The following CFH variants were observed in gnomAD, a reference collection of about 807,000 sequenced individuals.
The protein encoded by CFH is H factor 1 (complement).
CFH carries 53 observed loss-of-function variants against 147.3 expected under a neutral mutation model. That is an observed-to-expected ratio of 0.36 (90% CI 0.29 to 0.45). The LOEUF (loss-of-function observed/expected upper bound fraction) is 0.45. Ranked by LOEUF, CFH falls within the 20% of genes least tolerant of loss-of-function variation. CFH has a pLI of 1.00. For synonymous variants in CFH, 536 were observed against 489.4 expected, an observed-to-expected ratio of 1.10 and a Z score of -1.26; for missense variants, 1,380 against 1,498.0, an observed-to-expected ratio of 0.92 and a Z score of 1.30.
chr1:196,741,027 C>A, intron 18 of CFH: 1 of 518,614 alleles, frequency 1.9e-6, no homozygotes, highest in Admixed American at 3.1e-5. Flanking sequence ...TGTATATTCT[C>A]AGACTTCTCA....
intron 4 of CFH, chr1:196,677,203 A>G (rs528938670): frequency 6.3e-6 from 2 of 319,662 alleles, no homozygotes; most frequent in Non-Finnish European, 1.2e-5. Flanking sequence ...TTAATTATTT[A>G]AAAATACTAG....
At chr1:196,662,234 G>A (rs1436113922) in intron 1 of CFH, among the ~76,000 whole-genome samples, 1 of 152,200 alleles carries the variant, frequency 6.6e-6, no homozygotes, top group African/African-American at 2.4e-5. Flanking sequence ...TAAGCAAGAT[G>A]ACTTATTAAG....
At chr1:196,711,033 T>A (rs1427344133) in intron 9 of CFH, among the ~76,000 whole-genome samples, 1 of 152,096 alleles carries the variant, frequency 6.6e-6, no homozygotes, top group African/African-American at 2.4e-5. Context: ...AAAACCATAA[T>A]GATGTCATTT....
intron 7 of CFH, among the ~76,000 whole-genome samples, chr1:196,688,268 C>T (rs1667895962): frequency 6.6e-6 from 1 of 151,842 alleles, no homozygotes; most frequent in Non-Finnish European, 1.5e-5. Context: ...CAAGATAGCA[C>T]TCAAATGTAT....
chr1:196,690,966 C>T (rs1668003032), intron 9 of CFH, among the ~76,000 whole-genome samples: 2 of 152,096 alleles, frequency 1.3e-5, no homozygotes, highest in South Asian at 4.1e-4. Context: ...TTCCTATTGG[C>T]ACAACTGCTG....
At chr1:196,692,877 ACCTCCCTC>A (rs1173785757) in intron 9 of CFH, among the ~76,000 whole-genome samples, 2 of 7,176 alleles carry the variant, frequency 2.8e-4, no homozygotes, top group African/African-American at 8.7e-4. Context: ...TCCCTCTGTC[ACCTCCCTC>A]CCTCCCTCCC....
At chr1:196,700,786 A>G (rs1176214948) in intron 9 of CFH, 1 of 982,452 alleles carries the variant, frequency 1.0e-6, no homozygotes, top group African/African-American at 1.7e-5. Context: ...CTTAGTTATG[A>G]TGAACTAAGG....
At chr1:196,722,674 G>GT (rs566665879) in intron 11 of CFH, among the ~76,000 whole-genome samples, 70 of 152,118 alleles carry the variant, frequency 4.6e-4, no homozygotes, top group African/African-American at 1.6e-3. Flanking sequence ...CCTCAAAAAG[G>GT]TTTTTTTAGC....
chr1:196,684,439 T>C (rs2149084888), intron 6 of CFH, among the ~76,000 whole-genome samples: 1 of 152,104 alleles, frequency 6.6e-6, no homozygotes, highest in South Asian at 2.1e-4. Flanking sequence ...TCACTGTCAA[T>C]GTAGATCAGA....
In CFH at chr1:196,716,154, T is replaced by C. The variant is rs536256822; in HGVS notation, c.1696+385T>C. Among the ~76,000 whole-genome samples, 12 of 152,282 alleles carry C rather than the reference T, an allele frequency of 7.9e-5. No homozygotes were observed. The South Asian group carries it at 2.3e-3, about 29-fold the overall frequency. On this transcript the variant is annotated intron_variant, in intron 11 of 21. Coordinates refer to ENST00000367429, the MANE Select transcript of CFH (RefSeq NM_000186.4). ...ATCTTGTGTGTTAATTTCTGTACTT[T>C]CTGAGTGTAGTTCTTTATTTTCTAA...
intron 6 of CFH, among the ~76,000 whole-genome samples, chr1:196,682,805 A>G (rs1667700959): frequency 6.6e-6 from 1 of 151,668 alleles, no homozygotes; most frequent in Admixed American, 6.6e-5. Flanking sequence ...TAAGTCACAT[A>G]CATATTGTTT....
At chr1:196,721,258 T>C (rs1181885975) in intron 11 of CFH, among the ~76,000 whole-genome samples, 1 of 152,046 alleles carries the variant, frequency 6.6e-6, no homozygotes, top group Non-Finnish European at 1.5e-5. Context: ...AGGTTGTCTG[T>C]TTACTCTGTT....
At chr1:196,714,652 TATATATATATATATATAGAG>T (rs1233217643) in intron 10 of CFH, among the ~76,000 whole-genome samples, 4 of 48,978 alleles carry the variant, frequency 8.2e-5, no homozygotes, top group East Asian at 1.0e-3. Flanking sequence ...TATATATATA[TATATATATATATATATAGAG>T]AGAGAGAGAG....
At chr1:196,680,322 A>AC (rs1667606932) in intron 6 of CFH, among the ~76,000 whole-genome samples, 1 of 151,534 alleles carries the variant, frequency 6.6e-6, no homozygotes, top group Non-Finnish European at 1.5e-5. Flanking sequence ...AAAAAAAAAA[A>AC]AAAAAACCTC....
chr1:196,744,479 T>C (rs1307824720), intron 20 of CFH, among the ~76,000 whole-genome samples: 1 of 152,146 alleles, frequency 6.6e-6, no homozygotes, highest in African/African-American at 2.4e-5. Context: ...CCATTCTATC[T>C]CTTTGTATAG....
At chr1:196,698,454 A>G (rs1668352368) in intron 9 of CFH, among the ~76,000 whole-genome samples, 1 of 152,194 alleles carries the variant, frequency 6.6e-6, no homozygotes, top group South Asian at 2.1e-4. Flanking sequence ...CTCTACACAA[A>G]TAAAGTAGAA....
intron 1 of CFH, among the ~76,000 whole-genome samples, chr1:196,659,094 CA>C (rs141587903): frequency 0.16 from 24,042 of 151,890 alleles, 5,727 homozygotes; most frequent in African/African-American, 0.52. Context: ...AATCACATCT[CA>C]AAAAAATGTT....
At chr1:196,723,047 A>T (rs1272863949) in intron 11 of CFH, among the ~76,000 whole-genome samples, 1 of 151,996 alleles carries the variant, frequency 6.6e-6, no homozygotes, top group African/African-American at 2.4e-5. Context: ...CTTTAAAATA[A>T]ATATTTTAAA....
intron 15 of CFH, among the ~76,000 whole-genome samples, chr1:196,731,131 G>A (rs989422306): frequency 6.6e-6 from 1 of 151,620 alleles, no homozygotes; most frequent in African/African-American, 2.4e-5. Context: ...TGTTCTGGTT[G>A]TTTTTAAAAT....
Sources: gnomAD v4.1 joint callset for allele counts (sites outside exome capture counted in the v4.1 genomes callset) on GRCh38, gnomAD v4.1.1 for gene constraint, MANE v1.5 for transcripts, NCBI Gene and HGNC (gene_info 2026-07-23, HGNC 2026-07-21) for gene names.